PAK3: variants seen among roughly 807,000 people sequenced by gnomAD.
PAK3 encodes the protein p21 (RAC1) activated kinase 3.
Under a neutral mutation model 41.0 loss-of-function variants are expected in PAK3, and 4 were observed. The observed-to-expected ratio is 0.10, with a 90% CI of 0.05 to 0.22. PAK3 has a LOEUF of 0.22. PAK3 is among the 10% of genes least tolerant of loss of function. The pLI, the probability that PAK3 is intolerant of heterozygous loss-of-function variation, is 1.00. For missense variants in PAK3, 205 were observed against 409.9 expected, an observed-to-expected ratio of 0.50 and a Z score of 4.32; for synonymous variants, 146 against 139.6, an observed-to-expected ratio of 1.05 and a Z score of -0.32.
chrX:111,091,771 C>T (rs2092931114), upstream of PAK3, among the ~76,000 whole-genome samples: 1 of 112,183 alleles, frequency 8.9e-6, no homozygotes, highest in African/African-American at 3.2e-5. Context: ...GTAATGGCAA[C>T]GGGTTGTAGT....
intron 11 of PAK3, among the ~76,000 whole-genome samples, chrX:111,173,421 C>T (rs1351949574): frequency 3.6e-5 from 4 of 111,181 alleles, no homozygotes; most frequent in Non-Finnish European, 7.6e-5. Flanking sequence ...CCCCCTTTAT[C>T]GCAGTTCCCC....
At chrX:111,091,044 G>A (rs2092925882) in intron 1 of PAK3, among the ~76,000 whole-genome samples, 1 of 112,043 alleles carries the variant, frequency 8.9e-6, no homozygotes, top group African/African-American at 3.2e-5. Flanking sequence ...GGTTTGATAT[G>A]TAGGACCATG....
intron 11 of PAK3, among the ~76,000 whole-genome samples, chrX:111,175,293 A>G (rs2094393459): frequency 8.9e-6 from 1 of 111,786 alleles, no homozygotes; most frequent in Non-Finnish European, 1.9e-5. Context: ...ATGGAAATGT[A>G]CTTAAGTATA....
rs190845971 is a variant in PAK3, at chrX:111,048,919, T to C, written c.-27-74158T>C. Among the ~76,000 whole-genome samples the C allele has an allele frequency of 1.8e-3, 198 of 112,151 alleles. 4 individuals are homozygous for C. Among genetic ancestry groups the C allele is most frequent in the Admixed American group, 0.017 (183 of 10,584 alleles). ...AATCAGATCATGTCACTCATCTGCT[T>C]GAAACCATCCAATAGCTTCCTGTTG... On this transcript the variant is annotated intron_variant, in intron 1 of 14. Transcript: ENST00000425146.
At chrX:111,195,305 G>A (rs947801212) in intron 14 of PAK3, among the ~76,000 whole-genome samples, 1 of 111,503 alleles carries the variant, frequency 9.0e-6, no homozygotes, top group Non-Finnish European at 1.9e-5. Flanking sequence ...TTACTACCCT[G>A]AGCCTGTGGT....
chrX:110,958,757 C>T (rs1249403653), intron 1 of PAK3, among the ~76,000 whole-genome samples: 3 of 111,414 alleles, frequency 2.7e-5, no homozygotes, highest in Non-Finnish European at 5.7e-5. Context: ...CATTTGTTCT[C>T]TCCCTAGGTA....
intron 3 of PAK3, chrX:111,098,663 A>C (rs932827323): frequency 3.6e-5 from 4 of 110,647 alleles, no homozygotes; most frequent in African/African-American, 1.3e-4. Flanking sequence ...GCAGTGGGGA[A>C]GGACGGTGCC....
rs751791744 is a variant in PAK3, at chrX:111,001,126, G to C, written c.-28+56498G>C. 3.3e-4 allele frequency among the ~76,000 whole-genome samples: 37 copies of C among 112,166 alleles called. No homozygotes were observed. The Admixed American group carries it at 3.5e-3, about 11-fold the overall frequency. On this transcript the variant is annotated intron_variant, in intron 1 of 14. Transcript: ENST00000425146. Reference sequence around the variant, plus strand: ...AAAGAACCACAGGAAGCCTAGTGTGGCTAAAGCCCAATGAGCAAAATCAGT... The same window carrying C: ...AAAGAACCACAGGAAGCCTAGTGTGCCTAAAGCCCAATGAGCAAAATCAGT...
At chrX:111,061,940 G>T (rs768384712) in intron 1 of PAK3, among the ~76,000 whole-genome samples, 1 of 109,872 alleles carries the variant, frequency 9.1e-6, no homozygotes, top group Admixed American at 9.7e-5. Flanking sequence ...TCAGCCTCCC[G>T]AGTAGCTGGG....
At chrX:110,954,516 T>A (rs775903292) in intron 1 of PAK3, among the ~76,000 whole-genome samples, 42 of 111,530 alleles carry the variant, frequency 3.8e-4, no homozygotes, top group African/African-American at 1.4e-3. Context: ...TTAAACAGAG[T>A]GTTCTACTAT....
chrX:111,012,057 A>G (rs2092018880), intron 1 of PAK3, among the ~76,000 whole-genome samples: 1 of 111,778 alleles, frequency 8.9e-6, no homozygotes, highest in African/African-American at 3.3e-5. Flanking sequence ...CTGCTAAACC[A>G]CTTGCATATC....
chrX:111,108,051 A>C (rs1001933087), intron 4 of PAK3, among the ~76,000 whole-genome samples: 2 of 112,100 alleles, frequency 1.8e-5, no homozygotes, highest in Admixed American at 9.4e-5. Context: ...GGGAAAGATC[A>C]AGTTGCCATG....
At chrX:111,132,286 A>G (rs908381140) in intron 5 of PAK3, among the ~76,000 whole-genome samples, 3 of 111,534 alleles carry the variant, frequency 2.7e-5, no homozygotes, top group African/African-American at 9.8e-5. Context: ...GATTTCCCAA[A>G]TCAAGGCTCA....
Position 110,977,743 on chromosome X carries a change from T to C in PAK3, c.-28+33115T>C, listed in dbSNP as rs1043252500. ...CAAATAAAATTGATATTTTGTATAA[T>C]GATCTTGTACCCTGCAACCCTATTT... is the stretch of plus-strand genomic sequence containing the variant. On this transcript the variant is annotated intron_variant, in intron 1 of 14. Coordinates refer to the PAK3 transcript ENST00000425146. 6.2e-5 allele frequency among the ~76,000 whole-genome samples: 7 copies of C among 112,269 alleles called. No homozygotes were observed. In the Admixed American group the frequency reaches 6.6e-4, roughly 11 times the overall value.
chrX:110,944,863 C>T (rs772117179), intron 1 of PAK3, among the ~76,000 whole-genome samples: 5 of 112,239 alleles, frequency 4.5e-5, no homozygotes, highest in African/African-American at 6.5e-5. Context: ...TGCCCCCGCC[C>T]ACCCCTAAAG....
Position 111,169,705 on chromosome X carries a change from C to G in PAK3, c.767-3313C>G, listed in dbSNP as rs190000393. On this transcript the variant is annotated intron_variant, in intron 10 of 17. Coordinates refer to ENST00000372007, the MANE Select transcript of PAK3 (RefSeq NM_002578.5). ...AAGACTTGAAGCATATGTCCTGGAA[C>G]TCTGACTTATTCAGTGTTACTTTAA... Among the ~76,000 whole-genome samples, 24 of 111,526 alleles carry G rather than the reference C, an allele frequency of 2.2e-4. No individual in the cohort carries two copies. The Admixed American group carries it at 2.3e-3, about 11-fold the overall frequency.
At chrX:111,130,535 T>G (rs777230338) in intron 5 of PAK3, among the ~76,000 whole-genome samples, 240 of 111,915 alleles carry the variant, frequency 2.1e-3, no homozygotes, top group Non-Finnish European at 3.6e-3. Flanking sequence ...GAATCTTCAT[T>G]AGATATCTCA....
chrX:111,123,368 A>T, intron 5 of PAK3, 90 bp downstream of exon 5: 4 of 803,319 alleles, frequency 5.0e-6, no homozygotes, highest in Non-Finnish European at 7.5e-6. Flanking sequence ...TTGAGGATTG[A>T]CTGTTCAGGG....
chrX:111,065,650 G>A (rs780180615), intron 1 of PAK3, among the ~76,000 whole-genome samples: 5 of 111,543 alleles, frequency 4.5e-5, no homozygotes, highest in Non-Finnish European at 9.4e-5. Flanking sequence ...CTCTTCTTTG[G>A]CTATCTGGTG....
Sources: gnomAD v4.1 joint callset for allele counts (sites outside exome capture counted in the v4.1 genomes callset) on GRCh38, gnomAD v4.1.1 for gene constraint, MANE v1.5 for transcripts, NCBI Gene and HGNC (gene_info 2026-07-23, HGNC 2026-07-21) for gene names.